Variants in SPTBN5 observed in about 807,000 individuals in gnomAD.
SPTBN5 encodes the protein spectrin beta, non-erythrocytic 5, also known as spectrin beta chain, non-erythrocytic 5.
A neutral mutation model predicts 477.6 loss-of-function variants in SPTBN5; 513 were observed. The observed-to-expected ratio is 1.07, with a 90% confidence interval of 1.00 to 1.16. SPTBN5 has a LOEUF of 1.16. Among genes scored for constraint, SPTBN5 ranks in the 50% most tolerant of loss-of-function variants. SPTBN5 has a pLI of 0.00. For synonymous variants in SPTBN5, 2,169 were observed against 2,011.7 expected (o/e 1.08, Z -2.09); for missense variants, 5,062 against 4,731.8 (o/e 1.07, Z -2.05).
chr15:41,876,625 T>C lies in SPTBN5; in HGVS notation c.3874A>G (p.Ile1292Val). ...AHTVREQLQS[I>V]QAQWTRLQGR... The stretch of plus-strand genomic sequence containing the variant: ...TGGAGCCTGGTCCACTGTGCCTGGA[T>C]ACTCTGCAGCTGCTCTCTGACCCTG... Residue 1292 changes from isoleucine (I) to valine (V), a missense_variant, in exon 20 of 68, where the codon ATC becomes GTC. Coordinates refer to ENST00000320955, the MANE Select transcript of SPTBN5 (RefSeq NM_016642.4). 6.5e-7 allele frequency: 1 copy of C among 1,527,028 alleles called. No individual in the cohort carries two copies. The highest frequency in any genetic ancestry group is 8.9e-7 in the Non-Finnish European group (1 of 1,129,904). 94.6% of individuals were successfully genotyped at this position (1,527,028 alleles called of 1,614,324 possible). A position where few individuals can be genotyped will look rare whatever the true frequency, so the allele number is the denominator to read the frequency against.
chr15:41,869,264 C>T (rs967579811), intron 32 of SPTBN5, among the ~76,000 whole-genome samples: 8 of 152,230 alleles, frequency 5.3e-5, no homozygotes, highest in African/African-American at 1.9e-4. Flanking sequence ...AGTTAGGTCC[C>T]TAAACTCAAG....
At chr15:41,852,598 C>G in intron 61 of SPTBN5, 36 bp downstream of exon 61, 2 of 1,594,128 alleles carry the variant, frequency 1.3e-6, no homozygotes, top group Non-Finnish European at 1.7e-6. Flanking sequence ...ACTGTTCCCC[C>G]ACCAGCCCTC....
chr15:41,879,060 G>A lies in SPTBN5; in HGVS notation c.3182+200C>T, dbSNP rs563958755. On this transcript the variant is annotated intron_variant, in intron 16 of 67. Transcript: ENST00000320955. ...AGCCCGGGCGACAGAGCAAGACTCC[G>A]TCTCAAAAAGAAATAAAAAAACATA... Among the ~76,000 whole-genome samples, 19 of 152,208 alleles carry A rather than the reference G, an allele frequency of 1.2e-4. No individual in the cohort carries two copies. In the East Asian group the frequency reaches 3.3e-3, roughly 26 times the overall value.
In SPTBN5 at chr15:41,850,861, G is replaced by A. The variant is rs1449307080; in HGVS notation, c.10914C>T (p.Ser3638=). Residue 3638 remains serine (S), a synonymous_variant, in exon 66 of 68, where the codon AGC becomes AGT. Transcript: ENST00000320955. ...QAESWWRALG[S]TAAQSLSPKL... ...CCTTCCCCTGAAGCCCACCTGCAGT[G>A]CTGCCCAGGGCTCGCCACCAGCTCT... The A allele has an allele frequency of 1.3e-6, 2 of 1,596,540 alleles. No individual in the cohort carries two copies. The highest frequency in any genetic ancestry group is 8.5e-7 in the Non-Finnish European group (1 of 1,172,574).
rs541049838 is a variant in SPTBN5 at position 41,854,790 on chromosome 15, G to T, written c.9610C>A (p.Arg3204Ser). 2.1e-5 allele frequency: 32 copies of T among 1,540,370 alleles called. No individual in the cohort carries two copies. In the South Asian group the frequency reaches 3.9e-4, roughly 19 times the overall value. ...WERLDQAIKA[R>S]TENLAAAHEV... ...GGCCTGTGATCACCTACCTCTGTGCGGGCTTTTATTGCTTGGTCCAACCTC... is the reference window on the plus strand; with the variant it reads ...GGCCTGTGATCACCTACCTCTGTGCTGGCTTTTATTGCTTGGTCCAACCTC... Residue 3204 changes from arginine to serine, a missense_variant, in exon 56 of 68, where the codon CGC (arginine) becomes AGC (serine). Transcript: ENST00000320955.
Position 41,874,329 on chromosome 15 carries a change from C to A in SPTBN5, c.4652G>T (p.Cys1551Phe). 1 of 1,613,606 alleles carries A rather than the reference C, an allele frequency of 6.2e-7. No homozygotes were observed. Among genetic ancestry groups the A allele is most frequent in the African/African-American group, 1.3e-5 (1 of 75,054 alleles). ...GTGAAGGCTCTGGGCACCATTCAAGCACTCGGTATAGCTGGTGGGGCTGCC... is the reference window on the plus strand; with the variant it reads ...GTGAAGGCTCTGGGCACCATTCAAGAACTCGGTATAGCTGGTGGGGCTGCC... The part of the protein sequence containing the change: ...PHGSPTSYTE[C>F]LNGAQSLHRK... The change falls in exon 24 of 68, where the codon TGC becomes TTC. Residue 1551 changes from cysteine (C) to phenylalanine (F), a missense_variant. Transcript: ENST00000320955.
intron 28 of SPTBN5, 114 bp from the exon 29 acceptor site, chr15:41,871,634 G>A (rs1358258828): frequency 7.1e-7 from 1 of 1,410,604 alleles, no homozygotes; most frequent in Non-Finnish European, 9.3e-7. Flanking sequence ...GATAGCCACG[G>A]CGTCTGCCCG....
At position 41,874,034 on chromosome 15, in the gene SPTBN5, C is replaced by T; in HGVS notation, c.4701G>A (p.Val1567=). ...CCTGCCCCTGGTGAGCTTTTACCTC[C>T]ACCTGGAGCTCCTGCCACAGAGTGG... ...SLHRKHKELQ[V]EVKAHQGQVQ... Residue 1567 remains valine, a synonymous_variant, in exon 25 of 68, where the codon GTG becomes GTA. Transcript: ENST00000320955. 1 of 1,595,044 alleles carries T rather than the reference C, an allele frequency of 6.3e-7. No individual in the cohort carries two copies. Among genetic ancestry groups the T allele is most frequent in the South Asian group, 1.1e-5 (1 of 90,450 alleles).
intron 49 of SPTBN5, 147 bp from the exon 50 acceptor site, chr15:41,857,857 A>C: frequency 6.6e-6 from 6 of 907,682 alleles, no homozygotes; most frequent in Non-Finnish European, 9.7e-6. Context: ...CCTAAGCCTC[A>C]TTTTCCTCAT....
At chr15:41,851,909 A>G (rs1230746214) in intron 62 of SPTBN5, 59 bp from the exon 63 acceptor site, 1 of 1,402,960 alleles carries the variant, frequency 7.1e-7, no homozygotes, top group Non-Finnish European at 1.0e-6. Flanking sequence ...GAAGGTGGGC[A>G]AGGCACCCAC....
At chr15:41,867,239 C>T in intron 35 of SPTBN5, 113 bp from the exon 36 acceptor site, 1 of 1,226,416 alleles carries the variant, frequency 8.2e-7, no homozygotes, top group Non-Finnish European at 1.1e-6. Flanking sequence ...CTCAGCCCCA[C>T]ATGGCTGAGG....
intron 67 of SPTBN5, 30 bp downstream of exon 67, chr15:41,849,839 C>T (rs375772591): frequency 2.1e-4 from 321 of 1,533,520 alleles, no homozygotes; most frequent in South Asian, 2.6e-4. Context: ...CAGGGCTCCC[C>T]GCCCTGCTTC....
rs2067210643 is a variant in SPTBN5 at position 41,888,102 on chromosome 15, G to C, written c.502-17C>G. The stretch of plus-strand genomic sequence containing the variant: ...AAACTCCTCCTGGCGGGACAGGGCA[G>C]CAGGGTCACCATGCGGGGATGGGGT... On this transcript the variant is annotated splice_polypyrimidine_tract_variant and intron_variant, in intron 4 of 67. Coordinates refer to ENST00000320955, the MANE Select transcript of SPTBN5 (RefSeq NM_016642.4). The C allele has an allele frequency of 6.4e-7, 1 of 1,557,442 alleles. No individual in the cohort carries two copies. The highest frequency in any genetic ancestry group is 1.9e-5 in the Admixed American group (1 of 52,146).
intron 67 of SPTBN5, 151 bp downstream of exon 67, chr15:41,849,718 T>C: frequency 3.2e-6 from 2 of 632,498 alleles, no homozygotes; most frequent in Non-Finnish European, 2.8e-6. Context: ...CAGCTGAGAG[T>C]GGGCAGGGGC....
At chr15:41,858,857 C>T in intron 48 of SPTBN5, 33 bp downstream of exon 48, 1 of 1,550,570 alleles carries the variant, frequency 6.4e-7, no homozygotes, top group Non-Finnish European at 8.7e-7. Flanking sequence ...TCCTTCCCCA[C>T]CATGACCGCC....
intron 45 of SPTBN5, 90 bp downstream of exon 45, chr15:41,861,645 T>G: frequency 2.7e-6 from 4 of 1,503,346 alleles, no homozygotes; most frequent in Non-Finnish European, 3.6e-6. Context: ...CAGCAGCCCC[T>G]CCAGTCTTAG....
Position 41,886,273 on chromosome 15 carries a change from G to C in SPTBN5, c.982C>G (p.Gln328Glu), listed in dbSNP as rs1205994427. 1.9e-6 allele frequency: 3 copies of C among 1,613,332 alleles called. No individual in the cohort carries two copies. Among genetic ancestry groups the C allele is most frequent in the Non-Finnish European group, 2.5e-6 (3 of 1,179,894 alleles). Residue 328 changes from glutamine (Q) to glutamate (E), a missense_variant, in exon 7 of 68, where the codon CAG becomes GAG. Transcript: ENST00000320955. ...TCTGGAAAATCCCGCGCCTCCAGCT[G>C]CATCTGCTTCTCTGCAATCCAGCGT... Reference protein sequence around the residue: ...LLRWIAEKQMQLEARDFPDSL... With the variant: ...LLRWIAEKQMELEARDFPDSL...
intron 47 of SPTBN5, among the ~76,000 whole-genome samples, chr15:41,859,392 C>G (rs1381522720): frequency 6.6e-6 from 1 of 152,206 alleles, no homozygotes; most frequent in Non-Finnish European, 1.5e-5. Context: ...CTCCTGACCT[C>G]AAATGATCCA....
At position 41,848,548 on chromosome 15, in the gene SPTBN5, C is replaced by T; in HGVS notation, c.*68G>A. 2 of 1,599,094 alleles carry T rather than the reference C, an allele frequency of 1.3e-6. No homozygotes were observed. Among genetic ancestry groups the T allele is most frequent in the Non-Finnish European group, 1.7e-6 (2 of 1,166,474 alleles). ...GGAGCCCTTTTGCCTGTAGCTGAGTCTTATTCTGGTCCCTTAGATGTGTCC... is the reference window on the plus strand; with the variant it reads ...GGAGCCCTTTTGCCTGTAGCTGAGTTTTATTCTGGTCCCTTAGATGTGTCC... On this transcript the variant is annotated 3_prime_UTR_variant, in exon 68 of 68. Coordinates refer to ENST00000320955, the MANE Select transcript of SPTBN5 (RefSeq NM_016642.4).
Sources: gnomAD v4.1 joint callset for allele counts (sites outside exome capture counted in the v4.1 genomes callset) on GRCh38, gnomAD v4.1.1 for gene constraint, MANE v1.5 for transcripts, NCBI Gene and HGNC (gene_info 2026-07-23, HGNC 2026-07-21) for gene names.